SLC30A4: variants seen among roughly 807,000 people sequenced by gnomAD.
SLC30A4 encodes solute carrier family 30 member 4.
A neutral mutation model predicts 41.7 loss-of-function variants in SLC30A4; 20 were observed. That is an observed-to-expected ratio of 0.48 (90% CI 0.34 to 0.70). The LOEUF is 0.70. SLC30A4 is among the 30% of genes least tolerant of loss of function. The pLI is 0.01. For missense variants in SLC30A4, 441 were observed against 529.3 expected, an observed-to-expected ratio of 0.83 and a Z score of 1.64; for synonymous variants, 181 against 195.9, an observed-to-expected ratio of 0.92 and a Z score of 0.64.
intron 2 of SLC30A4, among the ~76,000 whole-genome samples, chr15:45,520,541 C>G (rs952000657): frequency 4.6e-5 from 7 of 152,150 alleles, no homozygotes; most frequent in Non-Finnish European, 1.0e-4. Flanking sequence ...TCCCAAAGTG[C>G]TGGGATTAAA....
At chr15:45,495,269 C>A (rs991411714) in intron 3 of SLC30A4, among the ~76,000 whole-genome samples, 1 of 152,118 alleles carries the variant, frequency 6.6e-6, no homozygotes, top group African/African-American at 2.4e-5. Context: ...AAAATTACTT[C>A]AAAACCCCTT....
intron 2 of SLC30A4, among the ~76,000 whole-genome samples, chr15:45,517,891 T>G (rs1892538106): frequency 6.6e-6 from 1 of 151,746 alleles, no homozygotes; most frequent in African/African-American, 2.4e-5. Flanking sequence ...GAGCTTGCAG[T>G]GAGCCGAGAT....
rs766550829 is a variant in SLC30A4, at chr15:45,521,978, A to G, written c.377T>C (p.Ile126Thr). ...IAAVLYLLFM[I>T]GELVGGYIAN... is the part of the protein sequence containing the mutation. ...ACACAACTCACCTACAAGTTCTCCA[A>G]TCATGAAAAGCAAGTACAGAACGGC... The change falls in exon 2 of 8, where the codon ATT becomes ACT. Residue 126 changes from isoleucine (I) to threonine (T), a missense_variant. Around this residue, in one of 3 missense-constraint regions of SLC30A4, gnomAD observed 312 missense variants for 341.9 expected, o/e 0.91. Transcript: ENST00000261867. 1 of 1,613,058 alleles carries G rather than the reference A, an allele frequency of 6.2e-7. No homozygotes were observed. Among genetic ancestry groups the G allele is most frequent in the Non-Finnish European group, 8.5e-7 (1 of 1,179,042 alleles).
intron 3 of SLC30A4, among the ~76,000 whole-genome samples, chr15:45,500,964 G>C (rs1312076501): frequency 6.6e-6 from 1 of 150,972 alleles, no homozygotes; most frequent in African/African-American, 2.4e-5. Context: ...GATTACAGGC[G>C]TGAGTATTTT....
chr15:45,517,945 C>T (rs1472806716), intron 2 of SLC30A4, among the ~76,000 whole-genome samples: 1 of 152,180 alleles, frequency 6.6e-6, no homozygotes, highest in African/African-American at 2.4e-5. Flanking sequence ...GAGACTCCGT[C>T]TCAAAATAAA....
chr15:45,520,943 A>C, intron 2 of SLC30A4: 1 of 435,606 alleles, frequency 2.3e-6, no homozygotes, highest in Non-Finnish European at 4.6e-6. Flanking sequence ...CCTTAGAGGC[A>C]AAAAGAGCTT....
chr15:45,517,345 C>CTTTTTTTTT (rs1166130286), intron 2 of SLC30A4, among the ~76,000 whole-genome samples: 14 of 65,600 alleles, frequency 2.1e-4, no homozygotes, highest in Non-Finnish European at 3.0e-4. Context: ...CCAATCCATT[C>CTTTTTTTTT]TTTTTTTTTT....
chr15:45,517,880 A>G (rs1002180743), intron 2 of SLC30A4, among the ~76,000 whole-genome samples: 3 of 152,076 alleles, frequency 2.0e-5, no homozygotes, highest in East Asian at 1.9e-4. Context: ...CCCGGGAGGC[A>G]GAGCTTGCAG....
In SLC30A4 at chr15:45,490,815, G is replaced by A; in HGVS notation, c.605C>T (p.Ala202Val). 1 of 1,609,470 alleles carries A rather than the reference G, an allele frequency of 6.2e-7. No individual in the cohort carries two copies. Among genetic ancestry groups the A allele is most frequent in the Non-Finnish European group, 8.5e-7 (1 of 1,176,742 alleles). Residue 202 changes from alanine (A) to valine (V), a missense_variant, in exon 4 of 8, where the codon GCT becomes GTT. Physicochemically the swap from Ala to Val is moderately conservative, Grantham distance 64. Transcript: ENST00000261867. ...YILMGFLLYE[A>V]VQRTIHMNYE... ...GTTCATATGGATAGTTCTTTGCACA[G>A]CTTCATATAAGAGGAATCCCATAAG...
chr15:45,502,389 T>G (rs900122949), intron 3 of SLC30A4: 2 of 151,540 alleles, frequency 1.3e-5, no homozygotes, highest in Non-Finnish European at 2.9e-5. Flanking sequence ...CCAGCCTATA[T>G]TTTTTTATTT....
chr15:45,502,002 C>CT (rs1268746609), intron 3 of SLC30A4: 5 of 151,846 alleles, frequency 3.3e-5, no homozygotes, highest in Admixed American at 2.6e-4. Flanking sequence ...GACACGAATC[C>CT]TTTTTTTAAA....
At chr15:45,487,961 GTGT>G (rs1891739416) in intron 5 of SLC30A4, among the ~76,000 whole-genome samples, 6 of 2,772 alleles carry the variant, frequency 2.2e-3, no homozygotes, top group Non-Finnish European at 3.0e-3. Context: ...CTGGAAAAAA[GTGT>G]GTGTGTGTGT....
intron 3 of SLC30A4, among the ~76,000 whole-genome samples, chr15:45,506,771 T>G (rs1273023681): frequency 2.0e-5 from 3 of 152,164 alleles, no homozygotes; most frequent in Admixed American, 2.0e-4. Context: ...GCTCAGGAAA[T>G]ACCTATCTAT....
At chr15:45,487,461 T>A in intron 6 of SLC30A4, 66 bp downstream of exon 6, 1 of 785,520 alleles carries the variant, frequency 1.3e-6, no homozygotes, top group South Asian at 1.5e-5. Flanking sequence ...ATTCAGAATG[T>A]CCCCTGACTC....
intron 3 of SLC30A4, among the ~76,000 whole-genome samples, chr15:45,508,767 T>C (rs1471200683): frequency 2.6e-5 from 4 of 152,228 alleles, no homozygotes; most frequent in South Asian, 2.1e-4. Flanking sequence ...TGACTTTCTA[T>C]AGAAAATTCC....
rs1176766860 is a variant in SLC30A4, at chr15:45,481,467, G to T, written c.*3696C>A. The T allele has an allele frequency of 1.3e-5, 2 of 152,190 alleles. No individual in the cohort carries two copies. Among genetic ancestry groups the T allele is most frequent in the African/African-American group, 4.8e-5 (2 of 41,440 alleles). 9.4% of individuals were successfully genotyped at this position (152,190 alleles called of 1,614,324 possible). A position where few individuals can be genotyped will look rare whatever the true frequency, so the allele number is the denominator to read the frequency against. On this transcript the variant is annotated 3_prime_UTR_variant, in exon 8 of 8. Transcript: ENST00000261867. ...ATCTGGCCATAGTTGTGAAACACAC[G>T]TTTATGTACACAAGTAACTCTGATT... is the stretch of plus-strand genomic sequence containing the variant.
chr15:45,517,238 T>G (rs1892507860), intron 2 of SLC30A4, among the ~76,000 whole-genome samples: 1 of 150,806 alleles, frequency 6.6e-6, no homozygotes, highest in African/African-American at 2.5e-5. Context: ...TCTAGGTAAT[T>G]TTACCTATTC....
intron 3 of SLC30A4, among the ~76,000 whole-genome samples, chr15:45,510,388 G>A (rs1156683938): frequency 6.6e-6 from 1 of 152,204 alleles, no homozygotes; most frequent in Non-Finnish European, 1.5e-5. Context: ...AGGAGCATCA[G>A]TGTTCCTACA....
chr15:45,492,237 G>A (rs2140818370), intron 3 of SLC30A4, among the ~76,000 whole-genome samples: 1 of 149,152 alleles, frequency 6.7e-6, no homozygotes, highest in East Asian at 1.9e-4. Flanking sequence ...AAAAACTCTG[G>A]AGACATCCTA....
Sources: allele counts gnomAD v4.1 joint callset (sites outside exome capture counted in the v4.1 genomes callset), GRCh38; gene constraint gnomAD v4.1.1; regional missense constraint gnomAD v4.1.1; transcripts MANE v1.5; gene names NCBI Gene and HGNC (gene_info 2026-07-23, HGNC 2026-07-21).